Variants in EPC2 observed in about 807,000 individuals in gnomAD.
EPC2 encodes the protein enhancer of polycomb 2, also known as enhancer of polycomb homolog 2.
In EPC2, 14 loss-of-function variants were observed where a neutral mutation model predicts 92.1. The observed-to-expected ratio is 0.15, with a 90% CI of 0.10 to 0.24. EPC2 has a LOEUF of 0.24. Among genes scored for constraint, EPC2 ranks in the 10% least tolerant of loss-of-function variants. The probability of loss-of-function intolerance (pLI) is 1.00; values close to 1 mark genes in which losing one functional copy is unlikely to be tolerated. For missense variants in EPC2, 755 were observed against 971.5 expected (o/e 0.78, Z 2.96); for synonymous variants, 340 against 334.7 (o/e 1.02, Z -0.17).
At chr2:148,775,658 A>AAATTAAATAAAATTAAATTAAATTT (rs1683619936) in intron 10 of EPC2, among the ~76,000 whole-genome samples, 8 of 138,594 alleles carry the variant, frequency 5.8e-5, no homozygotes, top group Admixed American at 1.4e-4. Context: ...TCTTTAAATA[A>AAATTAAATAAAATTAAATTAAATTT]AATTAAATAA....
intron 10 of EPC2, among the ~76,000 whole-genome samples, chr2:148,773,997 C>T (rs1341602763): frequency 1.3e-5 from 2 of 151,892 alleles, no homozygotes; most frequent in African/African-American, 4.8e-5. Flanking sequence ...GTCATGAGAG[C>T]ACAGTTGTTT....
At chr2:148,725,209 C>G (rs565256230) in intron 2 of EPC2, among the ~76,000 whole-genome samples, 1 of 152,128 alleles carries the variant, frequency 6.6e-6, no homozygotes, top group African/African-American at 2.4e-5. Flanking sequence ...TATTTTGAGA[C>G]TATTTTAATT....
At chr2:148,720,044 G>A (rs1458637985) in intron 2 of EPC2, among the ~76,000 whole-genome samples, 1 of 152,162 alleles carries the variant, frequency 6.6e-6, no homozygotes, top group Non-Finnish European at 1.5e-5. Flanking sequence ...GTCATGGTAG[G>A]GAACTGCCTC....
intron 2 of EPC2, among the ~76,000 whole-genome samples, chr2:148,717,765 C>T (rs2105388496): frequency 6.6e-6 from 1 of 152,318 alleles, no homozygotes; most frequent in African/African-American, 2.4e-5. Flanking sequence ...GTCAGGTCTA[C>T]TCTATCCAGA....
chr2:148,694,199 C>G (rs1681699468), intron 2 of EPC2, among the ~76,000 whole-genome samples: 4 of 152,156 alleles, frequency 2.6e-5, no homozygotes, highest in African/African-American at 9.7e-5. Context: ...TGAAATTGAG[C>G]AACCCGCTGT....
At chr2:148,654,084 G>A (rs562057901) in intron 1 of EPC2, among the ~76,000 whole-genome samples, 1 of 151,810 alleles carries the variant, frequency 6.6e-6, no homozygotes, top group South Asian at 2.1e-4. Context: ...AGTAGCTTGG[G>A]ACTATAGGCA....
chr2:148,721,909 A>ATTTTTTTTTT (rs1682387611), intron 2 of EPC2, among the ~76,000 whole-genome samples: 1 of 8,454 alleles, frequency 1.2e-4, no homozygotes, highest in African/African-American at 2.4e-4. Flanking sequence ...TTTTTTTTTC[A>ATTTTTTTTTT]GAATTCTCAT....
chr2:148,773,137 G>A (rs913979310), intron 10 of EPC2, among the ~76,000 whole-genome samples: 1 of 151,880 alleles, frequency 6.6e-6, no homozygotes, highest in East Asian at 1.9e-4. Flanking sequence ...TGTATATATT[G>A]TTATATCATC....
At chr2:148,685,697 G>T (rs914891703) in intron 1 of EPC2, among the ~76,000 whole-genome samples, 2 of 152,228 alleles carry the variant, frequency 1.3e-5, no homozygotes, top group Admixed American at 1.3e-4. Context: ...GCTTCGGGGG[G>T]CAGAGCCTGC....
At chr2:148,764,734 T>C (rs1014638735) in intron 6 of EPC2, among the ~76,000 whole-genome samples, 21 of 152,194 alleles carry the variant, frequency 1.4e-4, no homozygotes, top group Admixed American at 1.3e-3. Flanking sequence ...GTGATAATAA[T>C]GTAAAAAGCA....
chr2:148,754,384 T>A (rs560970436), intron 4 of EPC2, among the ~76,000 whole-genome samples: 4 of 152,306 alleles, frequency 2.6e-5, no homozygotes, highest in Non-Finnish European at 5.9e-5. Context: ...CTGCTACCTA[T>A]GCCTTTTATA....
chr2:148,655,674 A>G (rs546255302), intron 1 of EPC2, among the ~76,000 whole-genome samples: 1 of 152,180 alleles, frequency 6.6e-6, no homozygotes, highest in South Asian at 2.1e-4. Flanking sequence ...AGTTCTTTCT[A>G]TGGATGTTTT....
Position 148,781,699 on chromosome 2 carries a change from G to T in EPC2, c.1776G>T (p.Gln592His). 1.9e-6 allele frequency: 3 copies of T among 1,614,000 alleles called. No homozygotes were observed. The highest frequency in any genetic ancestry group is 2.5e-6 in the Non-Finnish European group (3 of 1,179,882). The change falls in exon 11 of 14, where the codon CAG (glutamine) becomes CAT (histidine). Residue 592 changes from glutamine to histidine, a missense_variant. Around this residue, in one of 4 missense-constraint regions of EPC2, gnomAD observed 3 missense variants for 19.3 expected, o/e 0.16. Coordinates refer to ENST00000258484, the MANE Select transcript of EPC2 (RefSeq NM_015630.4). ...QFQTHQQQLV[Q>H]MQRQQLAQLQ... ...AGACACATCAGCAGCAGTTAGTTCA[G>T]ATGCAAAGGCAGCAACTTGCCCAGC...
Position 148,758,084 on chromosome 2 carries a change from G to A in EPC2, c.667-3698G>A, listed in dbSNP as rs535155867. Among the ~76,000 whole-genome samples the A allele has an allele frequency of 2.4e-3, 312 of 131,202 alleles. 1 individual carries two copies. Among genetic ancestry groups the A allele is most frequent in the African/African-American group, 8.5e-3 (296 of 34,690 alleles). 86.1% of individuals were successfully genotyped at this position (131,202 alleles called of 152,430 possible). On this transcript the variant is annotated intron_variant, in intron 4 of 13. Coordinates refer to ENST00000258484, the MANE Select transcript of EPC2 (RefSeq NM_015630.4). ...AGGGGACTCCACTGATAAGAGCTGG[G>A]AAAGTTTGAGCATCAAAATAGATTA...
rs570394590 is a variant in EPC2, at chr2:148,704,671, T to C, written c.313+14298T>C. ...ATAAAGAACTCAACATTTTTACTTA[T>C]TTAGCCTCTGAATCCTTACCCTATA... is the stretch of plus-strand genomic sequence containing the variant. On this transcript the variant is annotated intron_variant, in intron 2 of 13. Transcript: ENST00000258484. 7.9e-5 allele frequency among the ~76,000 whole-genome samples: 12 copies of C among 152,320 alleles called. No individual in the cohort carries two copies. The East Asian group carries it at 2.3e-3, about 29-fold the overall frequency.
At chr2:148,674,245 G>C (rs1681218864) in intron 1 of EPC2, among the ~76,000 whole-genome samples, 2 of 152,182 alleles carry the variant, frequency 1.3e-5, no homozygotes, top group African/African-American at 4.8e-5. Context: ...GTACTCTCTT[G>C]CTCCCTCTTG....
chr2:148,778,687 C>T (rs1683693839), intron 10 of EPC2, among the ~76,000 whole-genome samples: 1 of 151,944 alleles, frequency 6.6e-6, no homozygotes, highest in Non-Finnish European at 1.5e-5. Context: ...GTATGTGTTC[C>T]AATTTTGTGT....
At chr2:148,684,960 A>G (rs933082564) in intron 1 of EPC2, among the ~76,000 whole-genome samples, 5 of 152,172 alleles carry the variant, frequency 3.3e-5, no homozygotes, top group African/African-American at 7.2e-5. Flanking sequence ...AAAATTTTTT[A>G]AACTTGTGTT....
chr2:148,667,268 A>G (rs1329878723), intron 1 of EPC2, among the ~76,000 whole-genome samples: 1 of 152,182 alleles, frequency 6.6e-6, no homozygotes, highest in African/African-American at 2.4e-5. Flanking sequence ...TCACATAGCA[A>G]CTGAGTCAGA....
Sources: gnomAD v4.1 joint callset for allele counts (sites outside exome capture counted in the v4.1 genomes callset) on GRCh38, gnomAD v4.1.1 for gene constraint, gnomAD v4.1.1 regional missense constraint, MANE v1.5 for transcripts, NCBI Gene and HGNC (gene_info 2026-07-23, HGNC 2026-07-21) for gene names.